The following ASB15 variants were observed in gnomAD, a reference collection of about 807,000 sequenced individuals.
ASB15 encodes ankyrin repeat and SOCS box containing 15, also known as ankyrin repeat and SOCS box protein 15.
ASB15 carries 54 observed loss-of-function variants against 58.0 expected under a neutral mutation model. That is an observed-to-expected ratio of 0.93 (90% CI 0.75 to 1.17). ASB15 has a LOEUF of 1.17. ASB15 is among the 50% of genes most tolerant of loss of function. ASB15 has a pLI of 0.00. For synonymous variants in ASB15, 249 were observed against 262.4 expected (o/e 0.95, Z 0.50); for missense variants, 680 against 707.4 (o/e 0.96, Z 0.44).
intron 1 of ASB15, among the ~76,000 whole-genome samples, chr7:123,592,121 T>C (rs76573232): frequency 6.6e-6 from 1 of 152,234 alleles, no homozygotes. Context: ...GTAGTTTGTA[T>C]TTCTGTGGGA....
intron 1 of ASB15, among the ~76,000 whole-genome samples, chr7:123,591,441 A>G (rs1178179389): frequency 6.6e-6 from 1 of 152,196 alleles, no homozygotes; most frequent in Non-Finnish European, 1.5e-5. Flanking sequence ...TGGGTTTGTC[A>G]TAAATAGCTC....
chr7:123,578,250 T>C (rs561463501), intron 1 of ASB15, among the ~76,000 whole-genome samples: 2 of 151,112 alleles, frequency 1.3e-5, no homozygotes, highest in East Asian at 1.9e-4. Context: ...TTTGTATCAG[T>C]TGGAAAAAAA....
Position 123,637,220 on chromosome 7 carries a change from C to G in ASB15, c.*239C>G, listed in dbSNP as rs1802471115. 7.2e-6 allele frequency: 2 copies of G among 279,110 alleles called. No homozygotes were observed. The highest frequency in any genetic ancestry group is 1.3e-5 in the Non-Finnish European group (2 of 149,408). 17.3% of individuals were successfully genotyped at this position (279,110 alleles called of 1,614,324 possible). On this transcript the variant is annotated 3_prime_UTR_variant, in exon 12 of 12. Coordinates refer to ENST00000451215, the MANE Select transcript of ASB15 (RefSeq NM_001290258.2). Reference sequence around the variant, plus strand: ...TTTGTTTGCTACAAGTCATCAAACTCTCCCTATCAAGTGGCTCCTACAATA... The same window carrying G: ...TTTGTTTGCTACAAGTCATCAAACTGTCCCTATCAAGTGGCTCCTACAATA...
At chr7:123,611,486 C>T (rs1172080020) in intron 3 of ASB15, among the ~76,000 whole-genome samples, 1 of 151,724 alleles carries the variant, frequency 6.6e-6, no homozygotes, top group African/African-American at 2.4e-5. Flanking sequence ...TTAGTAGAGA[C>T]GGGGTTTCAC....
Position 123,617,719 on chromosome 7 carries a change from G to A in ASB15, c.433G>A (p.Glu145Lys), listed in dbSNP as rs373700675. Reference protein sequence around the residue: ...VWPNTKNDKGETPLLIAVKKG... With the variant: ...VWPNTKNDKGKTPLLIAVKKG... ...GCCCAACACAAAAAATGATAAAGGA[G>A]AGACCCCCCTTCTGATTGGTAAATG... Residue 145 changes from glutamate to lysine, a missense_variant, in exon 7 of 12, where the codon GAG becomes AAG. Glu to Lys is a moderately conservative substitution (Grantham distance 56). Transcript: ENST00000451215. 1.9e-6 allele frequency: 3 copies of A among 1,611,990 alleles called. No individual in the cohort carries two copies. The highest frequency in any genetic ancestry group is 2.7e-5 in the African/African-American group (2 of 74,812).
At position 123,622,662 on chromosome 7, in the gene ASB15, ATT is replaced by A. The variant is rs988283892; in HGVS notation, c.452-1900_452-1899del. The A allele has an allele frequency of 1.9e-4, 29 of 151,900 alleles. No individual in the cohort carries two copies. In the East Asian group the frequency reaches 2.5e-3, roughly 13 times the overall value. The allele number at this position is 151,900 out of a possible 1,614,324, so 9.4% of individuals were successfully genotyped here. Reference sequence around the variant, plus strand: ...GGGAACAGGCTCATTATTTTAATACATTTTTTTTCTAATTATAAAAACTGCCA... The same window carrying A: ...GGGAACAGGCTCATTATTTTAATACATTTTTTCTAATTATAAAAACTGCCA... On this transcript the variant is annotated intron_variant, in intron 7 of 11. Transcript: ENST00000451215.
intron 3 of ASB15, among the ~76,000 whole-genome samples, chr7:123,613,359 T>G (rs1278321014): frequency 6.6e-6 from 1 of 152,130 alleles, no homozygotes. Flanking sequence ...ATAAAAGGCT[T>G]GAAAAGTACC....
At chr7:123,576,901 A>G (rs150092910) in intron 1 of ASB15, among the ~76,000 whole-genome samples, 17 of 152,146 alleles carry the variant, frequency 1.1e-4, no homozygotes, top group African/African-American at 3.9e-4. Flanking sequence ...TATGTTTTCT[A>G]TTACTTTATT....
chr7:123,601,241 T>G (rs145653118), upstream of ASB15, among the ~76,000 whole-genome samples: 442 of 152,282 alleles, frequency 2.9e-3, 1 homozygote, highest in African/African-American at 0.01. Context: ...AATCCCAATT[T>G]TTTTGCTTGT....
intron 1 of ASB15, among the ~76,000 whole-genome samples, chr7:123,587,347 T>G (rs2116341634): frequency 6.6e-6 from 1 of 151,818 alleles, no homozygotes; most frequent in Non-Finnish European, 1.5e-5. Flanking sequence ...TTCTGATATT[T>G]TATTGTTAGT....
Position 123,637,025 on chromosome 7 carries a change from AT to A in ASB15, c.*46del. ...GATTTAAAAAAAATGTTGAAATGTG[AT>A]TCCCTCAGATAATTTCTTGTAACCA... On this transcript the variant is annotated 3_prime_UTR_variant, in exon 12 of 12. Transcript: ENST00000451215. 7.7e-7 allele frequency: 1 copy of A among 1,306,198 alleles called. No individual in the cohort carries two copies. Among genetic ancestry groups the A allele is most frequent in the Non-Finnish European group, 1.1e-6 (1 of 936,810 alleles). 80.9% of individuals were successfully genotyped at this position (1,306,198 alleles called of 1,614,324 possible).
Position 123,637,083 on chromosome 7 carries a change from A to G in ASB15, c.*102A>G. ...ATCCTTAATTGTAAAGTGTATTTAAATTCATTGACAGTTTTATAGGTTATC... is the reference window on the plus strand; with the variant it reads ...ATCCTTAATTGTAAAGTGTATTTAAGTTCATTGACAGTTTTATAGGTTATC... On this transcript the variant is annotated 3_prime_UTR_variant, in exon 12 of 12. Transcript: ENST00000451215. The G allele has an allele frequency of 2.5e-6, 2 of 804,810 alleles. No individual in the cohort carries two copies. Among genetic ancestry groups the G allele is most frequent in the Admixed American group, 3.0e-5 (1 of 33,028 alleles). The allele number at this position is 804,810 out of a possible 1,614,324, so 49.9% of individuals were successfully genotyped here. A position where few individuals can be genotyped will look rare whatever the true frequency, so the allele number is the denominator to read the frequency against.
intron 1 of ASB15, among the ~76,000 whole-genome samples, chr7:123,603,829 T>G (rs150862534): frequency 0.011 from 1,732 of 152,220 alleles, 17 homozygotes; most frequent in Middle Eastern, 0.037. Context: ...TGTAGATCTT[T>G]GGGATACTGG....
At chr7:123,593,230 G>A (rs1324163564) in intron 1 of ASB15, among the ~76,000 whole-genome samples, 2 of 152,046 alleles carry the variant, frequency 1.3e-5, no homozygotes, top group Admixed American at 1.3e-4. Flanking sequence ...TATCCAATTT[G>A]CCAGTCTGTG....
intron 1 of ASB15, among the ~76,000 whole-genome samples, chr7:123,584,450 T>C (rs1382504352): frequency 6.6e-6 from 1 of 151,894 alleles, no homozygotes; most frequent in Non-Finnish European, 1.5e-5. Context: ...AAGTCAAACC[T>C]AAGAACAACT....
At chr7:123,619,349 TTTAAA>T (rs1186379884) in intron 7 of ASB15, among the ~76,000 whole-genome samples, 5 of 152,082 alleles carry the variant, frequency 3.3e-5, no homozygotes, top group African/African-American at 1.2e-4. Context: ...AAAGTATATA[TTTAAA>T]TTAAATTAGG....
rs61198371 is a variant in ASB15 at position 123,572,131 on chromosome 7, C to CTTTTT, written c.-443+5067_-443+5071dup. 1.5e-4 allele frequency among the ~76,000 whole-genome samples: 7 copies of CTTTTT among 47,978 alleles called. 1 individual carries two copies. Among genetic ancestry groups the CTTTTT allele is most frequent in the African/African-American group, 2.6e-4 (3 of 11,346 alleles). 31.5% of individuals were successfully genotyped at this position (47,978 alleles called of 152,430 possible). ...TGATTTTACAGTGATTGTAGAATTTCTTTTTTTTTTTTTTTTTTTTTTTTT... is the reference window on the plus strand; with the variant it reads ...TGATTTTACAGTGATTGTAGAATTTCTTTTTTTTTTTTTTTTTTTTTTTTTTTTTT... On this transcript the variant is annotated intron_variant, in intron 1 of 13. Transcript: ENST00000451558.
chr7:123,616,747 T>G lies in ASB15; in HGVS notation c.292+252T>G, dbSNP rs73718438. On this transcript the variant is annotated intron_variant, in intron 6 of 11. Transcript: ENST00000451215. ...ACAGGTTGGTGGAAAGATGTGGTTA[T>G]CACATAAAAGTGATAAAAGTTTCTA... is the stretch of plus-strand genomic sequence containing the variant. Among the ~76,000 whole-genome samples, 1,183 of 152,288 alleles carry G rather than the reference T, an allele frequency of 7.8e-3. 19 individuals carry two copies. Among genetic ancestry groups the G allele is most frequent in the African/African-American group, 0.027 (1,136 of 41,566 alleles).
chr7:123,619,493 C>T (rs1801087473), intron 7 of ASB15, among the ~76,000 whole-genome samples: 1 of 152,016 alleles, frequency 6.6e-6, no homozygotes, highest in Non-Finnish European at 1.5e-5. Context: ...AGGGTCTCCA[C>T]GGCACGGTGT....
Sources: allele counts gnomAD v4.1 joint callset (sites outside exome capture counted in the v4.1 genomes callset), GRCh38; gene constraint gnomAD v4.1.1; transcripts MANE v1.5; gene names NCBI Gene and HGNC (gene_info 2026-07-23, HGNC 2026-07-21).